The following ABCA3 variants were observed in gnomAD, a reference collection of about 807,000 sequenced individuals.
The protein encoded by ABCA3 is ATP binding cassette subfamily A member 3.
A neutral mutation model predicts 172.8 loss-of-function variants in ABCA3; 88 were observed. The observed-to-expected ratio is 0.51, with a 90% CI of 0.43 to 0.61. The LOEUF (loss-of-function observed/expected upper bound fraction) is 0.61. ABCA3 is among the 20% of genes least tolerant of loss of function. ABCA3 has a pLI of 0.00. For synonymous variants in ABCA3, 1,066 were observed against 983.8 expected (o/e 1.08, Z -1.56); for missense variants, 2,164 against 2,301.0 (o/e 0.94, Z 1.22).
chr16:2,292,069 A>T, intron 19 of ABCA3, 71 bp downstream of exon 19: 2 of 1,214,296 alleles, frequency 1.6e-6, no homozygotes, highest in Non-Finnish European at 2.4e-6. Flanking sequence ...GTGAAACTCC[A>T]TCTCAAAAAA....
rs879761259 is a variant in ABCA3 at position 2,300,069 on chromosome 16, T to C, written c.1547A>G (p.Asn516Ser). The stretch of plus-strand genomic sequence containing the variant: ...CTCTGGCTCGGCTTCAAAGTACTCG[T>C]TTCTGAGTGCTTTCTCGGGGTCACT... ...EDSDPEKALR[N>S]EYFEAEPEDL... The change falls in exon 13 of 33, where the codon AAC becomes AGC. Residue 516 changes from asparagine (N) to serine (S), a missense_variant. Asn to Ser is a conservative substitution (Grantham distance 46). Transcript: ENST00000301732. 6.2e-7 allele frequency: 1 copy of C among 1,613,506 alleles called. No individual in the cohort carries two copies. Among genetic ancestry groups the C allele is most frequent in the Non-Finnish European group, 8.5e-7 (1 of 1,179,884 alleles).
intron 10 of ABCA3, among the ~76,000 whole-genome samples, chr16:2,310,812 G>A (rs995668562): frequency 1.3e-5 from 2 of 151,606 alleles, no homozygotes; most frequent in African/African-American, 4.8e-5. Flanking sequence ...TGAGTCACTT[G>A]ACCGGCTGAT....
intron 10 of ABCA3, among the ~76,000 whole-genome samples, chr16:2,314,872 CTTTTTTTT>C (rs35616252): frequency 1.1e-5 from 1 of 93,472 alleles, no homozygotes; most frequent in African/African-American, 4.3e-5. Context: ...AGTGCCTGGT[CTTTTTTTT>C]TTTTTTTTTT....
chr16:2,307,035 A>AAAAAG (rs1567347054), intron 11 of ABCA3, among the ~76,000 whole-genome samples: 1 of 147,874 alleles, frequency 6.8e-6, no homozygotes, highest in African/African-American at 2.4e-5. Flanking sequence ...AAAAAAAAAA[A>AAAAAG]AAAAGAAAAG....
At position 2,284,081 on chromosome 16, in the gene ABCA3, T is replaced by G. The variant is rs2093659057; in HGVS notation, c.3862+198A>C. ...CCAGACACTGAGGCAGGTGGGAGAG[T>G]GGGAGCTCAGGTACAGGGCCTGGGA... On this transcript the variant is annotated intron_variant, in intron 25 of 32. Transcript: ENST00000301732. The surrounding 1 kb of genome is among the most constrained non-coding windows in gnomAD (Gnocchi z 5.9). 1.7e-6 allele frequency: 1 copy of G among 594,740 alleles called. No homozygotes were observed. Among genetic ancestry groups the G allele is most frequent in the Non-Finnish European group, 2.9e-6 (1 of 345,342 alleles). 36.8% of individuals were successfully genotyped at this position (594,740 alleles called of 1,614,324 possible).
At position 2,311,684 on chromosome 16, in the gene ABCA3, A is replaced by C. The variant is rs8063970; in HGVS notation, c.1112-3061T>G. ...TTACAGGCATCCGCCACCATGCCCG[A>C]CTAATTTTTGTATTTTTAATAGAGA... is the stretch of plus-strand genomic sequence containing the variant. On this transcript the variant is annotated intron_variant, in intron 10 of 32. Coordinates refer to ENST00000301732, the MANE Select transcript of ABCA3 (RefSeq NM_001089.3). 6.5e-3 allele frequency among the ~76,000 whole-genome samples: 989 copies of C among 151,880 alleles called. 12 individuals carry two copies. The highest frequency in any genetic ancestry group is 0.023 in the African/African-American group (938 of 41,432).
At chr16:2,323,766 G>T in intron 6 of ABCA3, 78 bp from the exon 7 acceptor site, 1 of 1,537,612 alleles carries the variant, frequency 6.5e-7, no homozygotes, top group East Asian at 2.2e-5. Flanking sequence ...GTGGGAGAGC[G>T]CTTGGGGGGC....
intron 7 of ABCA3, among the ~76,000 whole-genome samples, chr16:2,320,067 TAACAC>T (rs2093723493): frequency 6.6e-6 from 1 of 151,258 alleles, no homozygotes; most frequent in Admixed American, 6.6e-5. Flanking sequence ...ACTTTGTAAC[TAACAC>T]AACACACAAA....
rs776168964 is a variant in ABCA3 at position 2,304,121 on chromosome 16, T to C, written c.1315A>G (p.Ser439Gly). 6.2e-7 allele frequency: 1 copy of C among 1,614,004 alleles called. No individual in the cohort carries two copies. Among genetic ancestry groups the C allele is most frequent in the African/African-American group, 1.3e-5 (1 of 74,914 alleles). The change falls in exon 12 of 33, where the codon AGT becomes GGT. Residue 439 changes from serine (S) to glycine (G), a missense_variant. Ser to Gly is a moderately conservative substitution (Grantham distance 56). Transcript: ENST00000301732. ...AAGTCGTCGTCCACGTTGACGGGAC[T>C]CAGGAGGTCTCGCCACTGGATGCCC... is the stretch of plus-strand genomic sequence containing the variant. ...GMGIQWRDLL[S>G]PVNVDDDFCF...
intron 1 of ABCA3, among the ~76,000 whole-genome samples, chr16:2,336,183 G>A (rs573963486): frequency 6.6e-6 from 1 of 152,280 alleles, no homozygotes; most frequent in East Asian, 1.9e-4. Flanking sequence ...CGTTCCCAAT[G>A]ATGCTACAAG....
At chr16:2,318,797 G>A (rs1276427639) in intron 8 of ABCA3, among the ~76,000 whole-genome samples, 2 of 152,086 alleles carry the variant, frequency 1.3e-5, no homozygotes, top group Admixed American at 6.6e-5. Context: ...ACAGGTGTGA[G>A]CCAGTGCCCA....
At position 2,305,437 on chromosome 16, in the gene ABCA3, C is replaced by A. The variant is rs1455476378; in HGVS notation, c.1286-1287G>T. Among the ~76,000 whole-genome samples the A allele has an allele frequency of 3.3e-5, 5 of 152,314 alleles. No homozygotes were observed. The East Asian group carries it at 5.8e-4, about 18-fold the overall frequency. ...TCAGCCTCCCGAGTAGCTGGGACTA[C>A]AGGTGTGCGCCACCATGCCCAGCTG... is the stretch of plus-strand genomic sequence containing the variant. On this transcript the variant is annotated intron_variant, in intron 11 of 32. Coordinates refer to ENST00000301732, the MANE Select transcript of ABCA3 (RefSeq NM_001089.3).
rs2093662028 is a variant in ABCA3 at position 2,285,691 on chromosome 16, G to A, written c.3279-45C>T. The A allele has an allele frequency of 1.9e-6, 3 of 1,544,688 alleles. No homozygotes were observed. The East Asian group carries it at 7.3e-5, about 38-fold the overall frequency. The stretch of plus-strand genomic sequence containing the variant: ...TCAGGGACGGAGCACAGCACGTCTG[G>A]GTGGCAGGAGAGGTCGGGTTCTCGG... On this transcript the variant is annotated intron_variant, in intron 22 of 32. Transcript: ENST00000301732. The surrounding 1 kb of genome is among the most constrained non-coding windows in gnomAD (Gnocchi z 4.7).
chr16:2,283,560 A>C lies in ABCA3; in HGVS notation c.3863-202T>G. On this transcript the variant is annotated intron_variant, in intron 25 of 32. Coordinates refer to ENST00000301732, the MANE Select transcript of ABCA3 (RefSeq NM_001089.3). The surrounding 1 kb of genome is among the most constrained non-coding windows in gnomAD (Gnocchi z 5.4). ...GAGGGGCCAGGCACGTAACAATCCAATGCAGTCCCATGAGCGACATGGCAG... is the reference window on the plus strand; with the variant it reads ...GAGGGGCCAGGCACGTAACAATCCACTGCAGTCCCATGAGCGACATGGCAG... The C allele has an allele frequency of 1.7e-6, 1 of 593,100 alleles. No homozygotes were observed. Among genetic ancestry groups the C allele is most frequent in the Non-Finnish European group, 2.9e-6 (1 of 339,330 alleles). The allele number at this position is 593,100 out of a possible 1,614,324, so 36.7% of individuals were successfully genotyped here. A position where few individuals can be genotyped will look rare whatever the true frequency, so the allele number is the denominator to read the frequency against.
At position 2,328,445 on chromosome 16, in the gene ABCA3, C is replaced by T. The variant is rs766522903; in HGVS notation, c.-27+8G>A. On this transcript the variant is annotated splice_region_variant and intron_variant, in intron 3 of 32. Coordinates refer to ENST00000301732, the MANE Select transcript of ABCA3 (RefSeq NM_001089.3). ...CTCATGAACTTCAAGAGTTCATGAG[C>T]TGCTAACCTGCTAGAGAAGTAGGTG... The T allele has an allele frequency of 2.0e-6, 1 of 497,076 alleles. No individual in the cohort carries two copies. Among genetic ancestry groups the T allele is most frequent in the South Asian group, 1.5e-5 (1 of 67,732 alleles). The allele number at this position is 497,076 out of a possible 1,614,324, so 30.8% of individuals were successfully genotyped here.
At chr16:2,304,820 C>T (rs1352825033) in intron 11 of ABCA3, among the ~76,000 whole-genome samples, 1 of 151,762 alleles carries the variant, frequency 6.6e-6, no homozygotes, top group Non-Finnish European at 1.5e-5. Flanking sequence ...GGACTACAGG[C>T]GCCCGCCACC....
Position 2,326,029 on chromosome 16 carries a change from T to C in ABCA3, c.300A>G (p.Ala100=). The C allele has an allele frequency of 1.9e-6, 3 of 1,613,566 alleles. No individual in the cohort carries two copies. Among genetic ancestry groups the C allele is most frequent in the East Asian group, 2.2e-5 (1 of 44,820 alleles). ...TCTCACCTCGCATGTTGATCACAAG[T>C]GCCCTGCGCACTGTCTCAGTGACGG... ...AKTVTETVRR[A]LVINMRVRGF... Residue 100 remains alanine, a synonymous_variant, in exon 5 of 33, where the codon GCA becomes GCG. Coordinates refer to ENST00000301732, the MANE Select transcript of ABCA3 (RefSeq NM_001089.3).
rs1286428597 is a variant in ABCA3, at chr16:2,285,360, T to C, written c.3483+82A>G. The stretch of plus-strand genomic sequence containing the variant: ...GCTGCCGGCCTAGGGGCTGCCCAGC[T>C]GGTTCCGGTTCTGCACAGGGGTCCC... On this transcript the variant is annotated intron_variant, in intron 23 of 32. Transcript: ENST00000301732. The surrounding 1 kb of genome is among the most constrained non-coding windows in gnomAD (Gnocchi z 4.7). The C allele has an allele frequency of 6.6e-7, 1 of 1,509,822 alleles. No individual in the cohort carries two copies. Among genetic ancestry groups the C allele is most frequent in the Non-Finnish European group, 9.0e-7 (1 of 1,115,078 alleles). The allele number at this position is 1,509,822 out of a possible 1,614,324, so 93.5% of individuals were successfully genotyped here.
Position 2,283,594 on chromosome 16 carries a change from C to G in ABCA3, c.3863-236G>C, listed in dbSNP as rs112807439. ...CATGAGCGACATGGCAGACCCAGGG[C>G]AGCAACAGCCCGCCTGAGAGGCACA... On this transcript the variant is annotated intron_variant, in intron 25 of 32. Transcript: ENST00000301732. The surrounding 1 kb of genome is among the most constrained non-coding windows in gnomAD (Gnocchi z 5.4). The G allele has an allele frequency of 3.8e-6, 2 of 529,314 alleles. No homozygotes were observed. The highest frequency in any genetic ancestry group is 6.8e-6 in the Non-Finnish European group (2 of 292,796). 32.8% of individuals were successfully genotyped at this position (529,314 alleles called of 1,614,324 possible).
Sources: allele counts gnomAD v4.1 joint callset (sites outside exome capture counted in the v4.1 genomes callset), GRCh38; gene constraint gnomAD v4.1.1; non-coding constraint Gnocchi (gnomAD v3.1); transcripts MANE v1.5; gene names NCBI Gene and HGNC (gene_info 2026-07-23, HGNC 2026-07-21).